Variants in LRRC4C observed in about 807,000 individuals in gnomAD.
LRRC4C encodes the protein leucine rich repeat containing 4C.
In LRRC4C, 5 loss-of-function variants were observed where a neutral mutation model predicts 33.6. That is an observed-to-expected ratio of 0.15 (90% CI 0.08 to 0.31). The LOEUF (loss-of-function observed/expected upper bound fraction) is 0.31. Among genes scored for constraint, LRRC4C ranks in the 10% least tolerant of loss-of-function variants. The probability of loss-of-function intolerance (pLI) is 1.00; values close to 1 mark genes in which losing one functional copy is unlikely to be tolerated. For synonymous variants in LRRC4C, 329 were observed against 302.0 expected (o/e 1.09, Z -0.93); for missense variants, 560 against 796.7 (o/e 0.70, Z 3.58).
rs771013185 is a variant in LRRC4C at position 40,313,677 on chromosome 11, G to A, written c.-176+5951C>T. On this transcript the variant is annotated intron_variant, in intron 4 of 6. Transcript: ENST00000528697. ...GACTGGAGTGTATTGGCGCAATCTC[G>A]GCTCACTGCAAGCTCCACCTTCCGG... 5.6e-4 allele frequency among the ~76,000 whole-genome samples: 77 copies of A among 138,708 alleles called. No individual in the cohort carries two copies. In the Middle Eastern group the frequency reaches 0.012, roughly 22 times the overall value. 91.0% of individuals were successfully genotyped at this position (138,708 alleles called of 152,430 possible). A position where few individuals can be genotyped will look rare whatever the true frequency, so the allele number is the denominator to read the frequency against.
At chr11:40,467,559 T>C (rs1445581063) in intron 3 of LRRC4C, among the ~76,000 whole-genome samples, 2 of 152,188 alleles carry the variant, frequency 1.3e-5, no homozygotes, top group Non-Finnish European at 2.9e-5. Flanking sequence ...AACTCTATTG[T>C]ATCCTCTTTT....
chr11:40,370,310 G>A (rs374509225), intron 3 of LRRC4C, among the ~76,000 whole-genome samples: 1 of 152,108 alleles, frequency 6.6e-6, no homozygotes, highest in Non-Finnish European at 1.5e-5. Flanking sequence ...AACACCAACC[G>A]CAACATCTAA....
intron 5 of LRRC4C, among the ~76,000 whole-genome samples, chr11:40,150,344 A>G (rs1428398076): frequency 1.8e-4 from 28 of 152,250 alleles, no homozygotes; most frequent in Non-Finnish European, 1.2e-4. Context: ...ACCATCCAAC[A>G]TACTTCAGAG....
intron 3 of LRRC4C, among the ~76,000 whole-genome samples, chr11:40,624,302 T>C (rs889764409): frequency 2.6e-5 from 4 of 152,168 alleles, no homozygotes; most frequent in Admixed American, 2.6e-4. Context: ...CTTCCATGCA[T>C]ATGCTTAAAC....
At chr11:41,073,488 T>C (rs549537125) in intron 1 of LRRC4C, among the ~76,000 whole-genome samples, 4 of 152,230 alleles carry the variant, frequency 2.6e-5, no homozygotes, top group Non-Finnish European at 5.9e-5. Context: ...GGATTAAATT[T>C]CAACATGTGA....
intron 1 of LRRC4C, among the ~76,000 whole-genome samples, chr11:41,024,621 C>T (rs1257521986): frequency 6.6e-6 from 1 of 151,604 alleles, no homozygotes; most frequent in African/African-American, 2.4e-5. Flanking sequence ...CTTATTTAAG[C>T]CCTTGGCTAC....
At chr11:40,867,594 A>G (rs1471231571) in intron 2 of LRRC4C, among the ~76,000 whole-genome samples, 1 of 152,206 alleles carries the variant, frequency 6.6e-6, no homozygotes, top group Non-Finnish European at 1.5e-5. Context: ...AAGGCAATGT[A>G]TTTGTGTAGA....
intron 1 of LRRC4C, among the ~76,000 whole-genome samples, chr11:40,959,728 G>A (rs186439268): frequency 1.4e-4 from 22 of 151,728 alleles, no homozygotes; most frequent in African/African-American, 5.3e-4. Context: ...AGTGAGCACA[G>A]TGCTCTAGCA....
intron 2 of LRRC4C, among the ~76,000 whole-genome samples, chr11:40,881,232 G>A (rs1394588175): frequency 6.6e-6 from 1 of 151,958 alleles, no homozygotes; most frequent in Admixed American, 6.6e-5. Flanking sequence ...AAGGTTTTTA[G>A]AAATGTGAGG....
intron 6 of LRRC4C, among the ~76,000 whole-genome samples, chr11:40,138,098 A>C (rs1590484894): frequency 6.6e-6 from 1 of 151,160 alleles, no homozygotes; most frequent in Non-Finnish European, 1.5e-5. Flanking sequence ...GTCCAAATCC[A>C]CCTCCTTTTA....
chr11:40,980,061 T>A lies in LRRC4C; in HGVS notation c.-495-46338A>T, dbSNP rs200813444. On this transcript the variant is annotated intron_variant, in intron 1 of 6. Transcript: ENST00000528697. ...TGAAATGAAAGGAAAGTGTCTGTCC[T>A]GTAGCTTTCCCAGACATAAATTTAG... is the stretch of plus-strand genomic sequence containing the variant. Among the ~76,000 whole-genome samples, 9 of 152,338 alleles carry A rather than the reference T, an allele frequency of 5.9e-5. No homozygotes were observed. In the East Asian group the frequency reaches 1.7e-3, roughly 29 times the overall value.
chr11:40,732,172 G>A (rs1379381007), intron 2 of LRRC4C, among the ~76,000 whole-genome samples: 1 of 152,048 alleles, frequency 6.6e-6, no homozygotes, highest in Non-Finnish European at 1.5e-5. Flanking sequence ...TTCACCTAAG[G>A]TAAAAATTAT....
chr11:41,305,823 T>C (rs566468284), intron 1 of LRRC4C, among the ~76,000 whole-genome samples: 6 of 132,228 alleles, frequency 4.5e-5, no homozygotes, highest in Admixed American at 1.6e-4. Flanking sequence ...CACTTGTTTA[T>C]CTGCTGACCT....
intron 2 of LRRC4C, among the ~76,000 whole-genome samples, chr11:40,801,752 A>T (rs1274418547): frequency 6.6e-6 from 1 of 152,248 alleles, no homozygotes; most frequent in South Asian, 2.1e-4. Context: ...GAGTACCAGA[A>T]ATTTTTTTTT....
chr11:41,326,914 T>C (rs1263404623), intron 1 of LRRC4C, among the ~76,000 whole-genome samples: 2 of 152,232 alleles, frequency 1.3e-5, no homozygotes, highest in Non-Finnish European at 2.9e-5. Context: ...AAATCTCTTA[T>C]ATATCATGGC....
chr11:40,273,355 G>T (rs890727005), intron 4 of LRRC4C, among the ~76,000 whole-genome samples: 1 of 152,120 alleles, frequency 6.6e-6, no homozygotes, highest in Non-Finnish European at 1.5e-5. Flanking sequence ...GATAAGGTCA[G>T]TTTATCCTAA....
chr11:40,881,008 C>A (rs1263754232), intron 2 of LRRC4C, among the ~76,000 whole-genome samples: 1 of 151,876 alleles, frequency 6.6e-6, no homozygotes. Context: ...AAGCAACATT[C>A]TTGCTTATTG....
chr11:41,007,366 C>T (rs565077811), intron 1 of LRRC4C, among the ~76,000 whole-genome samples: 24 of 147,244 alleles, frequency 1.6e-4, no homozygotes, highest in South Asian at 8.6e-4. Flanking sequence ...AACAAAAATG[C>T]TTTCTTTTTT....
chr11:40,981,309 G>C (rs1852517535), intron 1 of LRRC4C, among the ~76,000 whole-genome samples: 1 of 152,080 alleles, frequency 6.6e-6, no homozygotes, highest in Non-Finnish European at 1.5e-5. Context: ...AGCTACTCAG[G>C]AGGCTGAGGC....
Sources: allele counts gnomAD v4.1 joint callset (sites outside exome capture counted in the v4.1 genomes callset), GRCh38; gene constraint gnomAD v4.1.1; transcripts MANE v1.5; gene names NCBI Gene and HGNC (gene_info 2026-07-23, HGNC 2026-07-21).